Variants in PDE2A observed in about 807,000 individuals in gnomAD.
PDE2A encodes phosphodiesterase 2A.
A neutral mutation model predicts 133.6 loss-of-function variants in PDE2A; 53 were observed. The observed-to-expected ratio is 0.40, with a 90% CI of 0.32 to 0.50. The LOEUF is 0.50. PDE2A is among the 20% of genes least tolerant of loss of function. The pLI is 0.73. For synonymous variants in PDE2A, 491 were observed against 490.2 expected (o/e 1.00, Z -0.02); for missense variants, 796 against 1,232.4 (o/e 0.65, Z 5.30).
chr11:72,576,996 C>T lies in PDE2A; in HGVS notation c.*388G>A, dbSNP rs553475203. The T allele has an allele frequency of 4.9e-6, 1 of 204,206 alleles. No individual in the cohort carries two copies. Among genetic ancestry groups the T allele is most frequent in the Non-Finnish European group, 1.0e-5 (1 of 96,996 alleles). The allele number at this position is 204,206 out of a possible 1,614,324, so 12.6% of individuals were successfully genotyped here. On this transcript the variant is annotated 3_prime_UTR_variant, in exon 31 of 31. Transcript: ENST00000334456. ...TCCCCTTCCATGAGGATCCTGGAGACCCCAAAGGGTGGGAGTCCTCAAAGG... is the reference window on the plus strand; with the variant it reads ...TCCCCTTCCATGAGGATCCTGGAGATCCCAAAGGGTGGGAGTCCTCAAAGG...
chr11:72,602,345 G>A (rs1022924717), intron 4 of PDE2A, among the ~76,000 whole-genome samples: 1 of 152,140 alleles, frequency 6.6e-6, no homozygotes, highest in Non-Finnish European at 1.5e-5. Context: ...ACACTGCCCT[G>A]ATCCCATTCC....
intron 2 of PDE2A, among the ~76,000 whole-genome samples, chr11:72,616,754 C>T (rs1857496023): frequency 6.6e-6 from 1 of 152,210 alleles, no homozygotes; most frequent in Non-Finnish European, 1.5e-5. Context: ...ATCATCTCCA[C>T]GTGCAGACCG....
At chr11:72,596,478 TCTCTCTCA>T (rs1359541497) in intron 6 of PDE2A, 107 bp downstream of exon 6, 36 of 235,520 alleles carry the variant, frequency 1.5e-4, no homozygotes, top group African/African-American at 1.3e-3. Context: ...TCTCTCTCTC[TCTCTCTCA>T]CACACACACA....
intron 1 of PDE2A, among the ~76,000 whole-genome samples, chr11:72,671,619 CG>C (rs895581683): frequency 6.6e-6 from 1 of 151,990 alleles, no homozygotes; most frequent in Non-Finnish European, 1.5e-5. Flanking sequence ...GGAATGACTG[CG>C]GGGGGTGGGG....
intron 2 of PDE2A, chr11:72,636,113 G>A (rs1261447247): frequency 6.5e-6 from 8 of 1,228,906 alleles, no homozygotes. Context: ...CCTGCCCCCT[G>A]AAGCCACCAG....
chr11:72,590,814 A>C lies in PDE2A; in HGVS notation c.550-234T>G. 1.4e-5 allele frequency: 6 copies of C among 420,666 alleles called. No homozygotes were observed. The highest frequency in any genetic ancestry group is 7.7e-5 in the South Asian group (1 of 13,000). 26.1% of individuals were successfully genotyped at this position (420,666 alleles called of 1,614,324 possible). ...ACAGGAGGGTACAGGGTCTATCTCC[A>C]TCCCTAGCCCCTAGATTCTTCCAAG... On this transcript the variant is annotated intron_variant, in intron 7 of 30. Coordinates refer to ENST00000334456, the MANE Select transcript of PDE2A (RefSeq NM_002599.5). The surrounding 1 kb of genome is among the most constrained non-coding windows in gnomAD (Gnocchi z 4.8).
At chr11:72,622,963 G>A (rs1402092917) in intron 2 of PDE2A, among the ~76,000 whole-genome samples, 1 of 152,196 alleles carries the variant, frequency 6.6e-6, no homozygotes, top group Admixed American at 6.5e-5. Flanking sequence ...GAACTGGGGT[G>A]ATGAGTATAT....
At chr11:72,617,282 G>A (rs942943963) in intron 2 of PDE2A, among the ~76,000 whole-genome samples, 1 of 152,222 alleles carries the variant, frequency 6.6e-6, no homozygotes, top group Admixed American at 6.5e-5. Flanking sequence ...GCAGAGGGCG[G>A]GGAGGAAGGG....
At chr11:72,585,120 T>C in intron 16 of PDE2A, 176 bp from the exon 17 acceptor site, 1 of 669,952 alleles carries the variant, frequency 1.5e-6, no homozygotes, top group Non-Finnish European at 2.5e-6. Flanking sequence ...TTTTGTTTTT[T>C]TTTTTTTTTG....
intron 2 of PDE2A, among the ~76,000 whole-genome samples, chr11:72,629,439 G>A (rs1363321392): frequency 5.9e-5 from 9 of 152,224 alleles, no homozygotes; most frequent in African/African-American, 9.6e-5. Context: ...GCGGGTGGCC[G>A]AGGCTGCTGA....
intron 1 of PDE2A, among the ~76,000 whole-genome samples, chr11:72,655,901 T>C (rs1177448569): frequency 6.6e-6 from 1 of 152,202 alleles, no homozygotes; most frequent in Non-Finnish European, 1.5e-5. Flanking sequence ...GAGTGGGGGC[T>C]GCAGCCAAAC....
At position 72,587,274 on chromosome 11, in the gene PDE2A, T is replaced by C. The variant is rs150071396; in HGVS notation, c.1071-1093A>G. The stretch of plus-strand genomic sequence containing the variant: ...TAATGTCGTCAGTGTATCCTATCCC[T>C]GGCCTTGCCACCAGCCCCATCCCAC... On this transcript the variant is annotated intron_variant, in intron 13 of 30. Coordinates refer to ENST00000334456, the MANE Select transcript of PDE2A (RefSeq NM_002599.5). Among the ~76,000 whole-genome samples, 485 of 152,332 alleles carry C rather than the reference T, an allele frequency of 3.2e-3. 3 individuals carry two copies. The highest frequency in any genetic ancestry group is 5.1e-3 in the Admixed American group (78 of 15,310).
intron 22 of PDE2A, 91 bp downstream of exon 22, chr11:72,581,786 G>T: frequency 8.0e-7 from 1 of 1,243,828 alleles, no homozygotes; most frequent in Non-Finnish European, 1.2e-6. Flanking sequence ...GTCATCCTTA[G>T]AGAGATCCTC....
chr11:72,633,319 G>A (rs1858515206), intron 2 of PDE2A, among the ~76,000 whole-genome samples: 1 of 152,170 alleles, frequency 6.6e-6, no homozygotes, highest in Non-Finnish European at 1.5e-5. Flanking sequence ...GGACCTCAGG[G>A]CTCTCCCCAC....
rs1180445175 is a variant in PDE2A, at chr11:72,579,296, T to A, written c.2344A>T (p.Lys782Ter). The change falls in exon 27 of 31, where the codon AAG (lysine) becomes TAG (stop). Residue 782 changes from lysine (K) to a stop codon, truncating the protein, a stop_gained. Coordinates refer to ENST00000334456, the MANE Select transcript of PDE2A (RefSeq NM_002599.5). LOFTEE classifies it high-confidence loss of function. Reference protein sequence around the residue: ...HHLRIFKDLQKMAEVGYDRNN... With the variant: ...HHLRIFKDLQ ...TAACAGCAGTCACCCTCAGCCATCT[T>A]CTGGAGGTCCTTGAAGATGCGGAGA... The A allele has an allele frequency of 6.2e-7, 1 of 1,612,496 alleles. No homozygotes were observed. Among genetic ancestry groups the A allele is most frequent in the Non-Finnish European group, 8.5e-7 (1 of 1,178,710 alleles).
intron 1 of PDE2A, 102 bp from the exon 2 acceptor site, chr11:72,642,428 C>T (rs1270038029): frequency 4.9e-6 from 6 of 1,225,104 alleles, no homozygotes; most frequent in Non-Finnish European, 6.2e-6. Context: ...TCGGTCAGCG[C>T]GTCCGCGACA....
In PDE2A at chr11:72,584,297, G is replaced by C. The variant is rs116776002; in HGVS notation, c.1554C>G (p.Ala518=). The C allele has an allele frequency of 8.8e-4, 1,420 of 1,610,946 alleles. 7 individuals are homozygous for C. In the African/African-American group the frequency reaches 0.017, roughly 19 times the overall value. Residue 518 remains alanine (A), a synonymous_variant, in exon 19 of 31, where the codon GCC becomes GCG. Coordinates refer to ENST00000334456, the MANE Select transcript of PDE2A (RefSeq NM_002599.5). ...KNENQEVIGV[A]ELVNKINGPW... ...GCCCATTGATCTTGTTCACCAGCTC[G>C]GCCACACCGATGACCTCTGGGGAAG...
chr11:72,598,575 C>T (rs1282174924), intron 4 of PDE2A: 1 of 1,289,028 alleles, frequency 7.8e-7, no homozygotes, highest in African/African-American at 1.5e-5. Flanking sequence ...CTCATGCTGC[C>T]TCCACTTAAT....
intron 6 of PDE2A, 113 bp downstream of exon 6, chr11:72,596,480 T>TCA (rs1425625911): frequency 1.9e-4 from 46 of 238,202 alleles, no homozygotes; most frequent in African/African-American, 1.8e-3. Context: ...TCTCTCTCTC[T>TCA]CTCTCACACA....
Sources: gnomAD v4.1 joint callset for allele counts (sites outside exome capture counted in the v4.1 genomes callset) on GRCh38, gnomAD v4.1.1 for gene constraint, Gnocchi (gnomAD v3.1) non-coding constraint, MANE v1.5 for transcripts, NCBI Gene and HGNC (gene_info 2026-07-23, HGNC 2026-07-21) for gene names.